Variants in CCDC62 observed in about 807,000 individuals in gnomAD.
CCDC62 encodes coiled-coil domain-containing protein 62.
CCDC62 carries 72 observed loss-of-function variants against 80.8 expected under a neutral mutation model. The ratio of observed to expected loss-of-function variants is 0.89; its 90% CI spans 0.74 to 1.08. The LOEUF (loss-of-function observed/expected upper bound fraction) is 1.08. Ranked by LOEUF, CCDC62 falls within the 50% of genes least tolerant of loss-of-function variation. CCDC62 has a pLI of 0.00. For missense variants in CCDC62, 704 were observed against 809.4 expected (o/e 0.87, Z 1.58); for synonymous variants, 286 against 296.5 (o/e 0.96, Z 0.36).
Position 122,796,163 on chromosome 12 carries a change from A to T in CCDC62, c.773-1144A>T, listed in dbSNP as rs530180515. On this transcript the variant is annotated intron_variant, in intron 6 of 12. Coordinates refer to ENST00000253079, the MANE Select transcript of CCDC62 (RefSeq NM_201435.5). Reference sequence around the variant, plus strand: ...TAAGGCAACATTCAAATATACATATATTTTTTTTTTCTTTGACCACCTGCC... The same window carrying T: ...TAAGGCAACATTCAAATATACATATTTTTTTTTTTTCTTTGACCACCTGCC... Among the ~76,000 whole-genome samples the T allele has an allele frequency of 2.7e-3, 408 of 150,468 alleles. 1 individual carries two copies. Among genetic ancestry groups the T allele is most frequent in the African/African-American group, 8.8e-3 (360 of 41,002 alleles).
intron 10 of CCDC62, among the ~76,000 whole-genome samples, chr12:122,811,501 G>A (rs1289332928): frequency 2.8e-5 from 4 of 142,398 alleles, no homozygotes; most frequent in South Asian, 2.3e-4. Context: ...GTGAGCCACC[G>A]TGCCCGGCTG....
At chr12:122,811,821 CAAAAAAAAAAA>C (rs67025764) in intron 10 of CCDC62, among the ~76,000 whole-genome samples, 284 of 34,646 alleles carry the variant, frequency 8.2e-3, no homozygotes, top group African/African-American at 0.026. Context: ...ACTCCATCTG[CAAAAAAAAAAA>C]AAAAAAAAAA....
chr12:122,805,509 CTTTTTTTT>C (rs34211739), intron 9 of CCDC62, among the ~76,000 whole-genome samples: 1 of 49,508 alleles, frequency 2.0e-5, no homozygotes, highest in Non-Finnish European at 3.4e-5. Context: ...ACACCCAGCT[CTTTTTTTT>C]TTTTTTTTTT....
chr12:122,782,310 T>C (rs113664013), intron 3 of CCDC62, among the ~76,000 whole-genome samples: 2 of 152,334 alleles, frequency 1.3e-5, no homozygotes, highest in South Asian at 4.1e-4. Flanking sequence ...GTCTTAGAGA[T>C]TGAGCTTCAG....
chr12:122,820,729 T>A (rs1050234575), intron 11 of CCDC62, among the ~76,000 whole-genome samples: 1 of 151,284 alleles, frequency 6.6e-6, no homozygotes, highest in Non-Finnish European at 1.5e-5. Flanking sequence ...TAATCCCAGC[T>A]ACTCGAGAGG....
intron 6 of CCDC62, among the ~76,000 whole-genome samples, chr12:122,795,205 G>A (rs946837391): frequency 6.7e-6 from 1 of 148,332 alleles, no homozygotes; most frequent in South Asian, 2.2e-4. Flanking sequence ...CACACGTCAC[G>A]ACACCTGGCT....
intron 8 of CCDC62, 40 bp downstream of exon 8, chr12:122,798,240 T>C (rs752958709): frequency 1.0e-5 from 10 of 971,592 alleles, no homozygotes; most frequent in East Asian, 7.2e-5. Context: ...TCTTGTATTA[T>C]ATTCCATCAG....
At chr12:122,775,192 G>T (rs563269231) in intron 1 of CCDC62, among the ~76,000 whole-genome samples, 1 of 152,110 alleles carries the variant, frequency 6.6e-6, no homozygotes, top group Non-Finnish European at 1.5e-5. Flanking sequence ...TTCAGCCCGG[G>T]CCACAGAGTA....
Position 122,806,202 on chromosome 12 carries a change from C to T in CCDC62, c.1758C>T (p.Ala586=). 1.2e-6 allele frequency: 2 copies of T among 1,613,814 alleles called. No homozygotes were observed. Among genetic ancestry groups the T allele is most frequent in the Non-Finnish European group, 1.7e-6 (2 of 1,179,828 alleles). Residue 586 remains alanine, a synonymous_variant, in exon 10 of 13, where the codon GCC becomes GCT. Transcript: ENST00000253079. ...ACTCTTTGGGTTCTTCAAAATCTGCCTTGAGAGAAGATGAGACGGAGTCCT... is the reference window on the plus strand; with the variant it reads ...ACTCTTTGGGTTCTTCAAAATCTGCTTTGAGAGAAGATGAGACGGAGTCCT... ...DSHSLGSSKS[A]LREDETESSS...
intron 3 of CCDC62, among the ~76,000 whole-genome samples, chr12:122,783,389 G>A (rs1164735790): frequency 3.3e-5 from 5 of 151,570 alleles, no homozygotes; most frequent in African/African-American, 7.3e-5. Context: ...CACCACGCCC[G>A]GCTAATTTTT....
chr12:122,801,458 C>G lies in CCDC62; in HGVS notation c.1312C>G (p.His438Asp). The change falls in exon 9 of 13, where the codon CAT (histidine) becomes GAT (aspartate). Residue 438 changes from histidine to aspartate, a missense_variant. Coordinates refer to ENST00000253079, the MANE Select transcript of CCDC62 (RefSeq NM_201435.5). ...CKIHTKSPKCHGTGVQNEGKQ... is the reference protein window; with the variant it reads ...CKIHTKSPKCDGTGVQNEGKQ... The stretch of plus-strand genomic sequence containing the variant: ...GATCCACACAAAATCACCAAAATGT[C>G]ATGGCACTGGGGTTCAGAACGAAGG... The G allele has an allele frequency of 6.2e-7, 1 of 1,614,082 alleles. No individual in the cohort carries two copies. The highest frequency in any genetic ancestry group is 2.2e-5 in the East Asian group (1 of 44,888).
intron 12 of CCDC62, among the ~76,000 whole-genome samples, chr12:122,825,558 G>T (rs1173517991): frequency 7.3e-6 from 1 of 137,458 alleles, no homozygotes; most frequent in African/African-American, 2.7e-5. Flanking sequence ...GTTTCGCCAC[G>T]TTGGCCAGGC....
chr12:122,814,941 C>T (rs991017356), intron 11 of CCDC62, among the ~76,000 whole-genome samples: 1 of 152,096 alleles, frequency 6.6e-6, no homozygotes, highest in Admixed American at 6.6e-5. Context: ...AAGCAATCCT[C>T]CCACCTCAGT....
chr12:122,815,682 T>C (rs1045067504), intron 11 of CCDC62, among the ~76,000 whole-genome samples: 6 of 148,206 alleles, frequency 4.0e-5, no homozygotes, highest in Non-Finnish European at 7.5e-5. Flanking sequence ...CTCCTGACCT[T>C]GTGATCCGCC....
intron 9 of CCDC62, among the ~76,000 whole-genome samples, chr12:122,805,927 A>G (rs145284391): frequency 6.6e-6 from 1 of 152,310 alleles, no homozygotes; most frequent in African/African-American, 2.4e-5. Context: ...TGCTGGGATT[A>G]TAGGCATGAG....
In CCDC62 at chr12:122,777,651, T is replaced by G; in HGVS notation, c.197T>G (p.Leu66Trp). The G allele has an allele frequency of 6.2e-7, 1 of 1,614,100 alleles. No individual in the cohort carries two copies. ...LSWEEDRQKV[L>W]TLEERCSKLE... ...TGGGAAGAGGATCGGCAGAAAGTGT[T>G]GACACTGGAAGAACGTTGCAGCAAA... is the stretch of plus-strand genomic sequence containing the variant. Residue 66 changes from leucine to tryptophan, a missense_variant, in exon 2 of 13, where the codon TTG becomes TGG. By Grantham distance (61) the Leu-to-Trp change is moderately conservative. Coordinates refer to ENST00000253079, the MANE Select transcript of CCDC62 (RefSeq NM_201435.5).
chr12:122,819,507 T>C (rs903480475), intron 11 of CCDC62, among the ~76,000 whole-genome samples: 1 of 152,222 alleles, frequency 6.6e-6, no homozygotes, highest in Admixed American at 6.6e-5. Flanking sequence ...CCACAGATAC[T>C]TCTGCATGTG....
rs375704989 is a variant in CCDC62 at position 122,801,131 on chromosome 12, A to C, written c.985A>C (p.Met329Leu). Residue 329 changes from methionine (M) to leucine (L), a missense_variant, in exon 9 of 13, where the codon ATG (methionine) becomes CTG (leucine). Physicochemically the swap from Met to Leu is conservative, Grantham distance 15 (BLOSUM62 2). Coordinates refer to ENST00000253079, the MANE Select transcript of CCDC62 (RefSeq NM_201435.5). ...ESKALDSSRD[M>L]CLSDLENNHP... ...TTTCTAATGCCACCATAGCAGAGACATGTGTTTATCAGACCTTGAAAATAA... is the reference window on the plus strand; with the variant it reads ...TTTCTAATGCCACCATAGCAGAGACCTGTGTTTATCAGACCTTGAAAATAA... The C allele has an allele frequency of 1.6e-5, 26 of 1,609,026 alleles. No individual in the cohort carries two copies. Among genetic ancestry groups the C allele is most frequent in the Middle Eastern group, 1.6e-4 (1 of 6,064 alleles).
intron 11 of CCDC62, among the ~76,000 whole-genome samples, chr12:122,818,563 A>G (rs1407928328): frequency 6.6e-6 from 1 of 151,946 alleles, no homozygotes. Flanking sequence ...TCAAGGCTAC[A>G]GTGAGCTATG....
Sources: allele counts gnomAD v4.1 joint callset (sites outside exome capture counted in the v4.1 genomes callset), GRCh38; gene constraint gnomAD v4.1.1; transcripts MANE v1.5; gene names NCBI Gene and HGNC (gene_info 2026-07-23, HGNC 2026-07-21).